SERGEF: variants seen among roughly 807,000 people sequenced by gnomAD.
The protein encoded by SERGEF is secretion-regulating guanine nucleotide exchange factor.
SERGEF carries 51 observed loss-of-function variants against 50.0 expected under a neutral mutation model. The ratio of observed to expected loss-of-function variants is 1.02; its 90% CI spans 0.81 to 1.29. SERGEF has a LOEUF of 1.29. Ranked by LOEUF, SERGEF falls within the 50% of genes most tolerant of loss-of-function variation. The pLI is 0.00. For missense variants in SERGEF, 521 were observed against 557.0 expected (o/e 0.94, Z 0.65); for synonymous variants, 205 against 212.4 (o/e 0.97, Z 0.30).
At chr11:18,002,754 G>A (rs1217135226) in intron 4 of SERGEF, among the ~76,000 whole-genome samples, 1 of 152,116 alleles carries the variant, frequency 6.6e-6, no homozygotes, top group Non-Finnish European at 1.5e-5. Context: ...CAACTGCTAG[G>A]ACAGGTCTTA....
At chr11:17,980,031 G>A (rs1853462548) in intron 8 of SERGEF, among the ~76,000 whole-genome samples, 1 of 152,160 alleles carries the variant, frequency 6.6e-6, no homozygotes, top group South Asian at 2.1e-4. Context: ...CCTGAACTCT[G>A]AATGAAAGAA....
chr11:17,906,721 T>G (rs1851849388), intron 9 of SERGEF, among the ~76,000 whole-genome samples: 1 of 151,710 alleles, frequency 6.6e-6, no homozygotes, highest in Non-Finnish European at 1.5e-5. Context: ...GTGCAGTTTG[T>G]TACAACAAAT....
chr11:17,905,089 C>T (rs1014382094), intron 9 of SERGEF, among the ~76,000 whole-genome samples: 3 of 152,226 alleles, frequency 2.0e-5, no homozygotes, highest in African/African-American at 7.2e-5. Flanking sequence ...TATGGGTACA[C>T]ATTTCTGCAT....
intron 9 of SERGEF, among the ~76,000 whole-genome samples, chr11:17,924,647 G>A (rs959980145): frequency 6.6e-6 from 1 of 151,324 alleles, no homozygotes; most frequent in Admixed American, 6.6e-5. Flanking sequence ...AGAACAGTGG[G>A]GGTGCGGGGG....
Position 17,863,864 on chromosome 11 carries a change from G to A in SERGEF, c.1048+14344C>T, listed in dbSNP as rs570267090. Among the ~76,000 whole-genome samples, 3 of 152,358 alleles carry A rather than the reference G, an allele frequency of 2.0e-5. No homozygotes were observed. In the East Asian group the frequency reaches 5.8e-4, roughly 29 times the overall value. On this transcript the variant is annotated intron_variant, in intron 10 of 10. Coordinates refer to ENST00000265965, the MANE Select transcript of SERGEF (RefSeq NM_012139.4). ...CACATGAAGCACCTATTGCATGCAT[G>A]GCAAGTATAGATGGTCTGAGTCTAT...
Position 17,988,727 on chromosome 11 carries a change from G to C in SERGEF, c.714C>G (p.Ser238Arg). Residue 238 changes from serine (S) to arginine (R), a missense_variant, in exon 8 of 11, where the codon AGC becomes AGG. Physicochemically the swap from Ser to Arg is moderately radical, Grantham distance 110. Transcript: ENST00000265965. Reference protein sequence around the residue: ...TDAGEVYVWGSNKHGQLANEA... With the variant: ...TDAGEVYVWGRNKHGQLANEA... ...CATTAGCCAGTTGCCCATGCTTGTTGCTTCCCCAAACATACACCTCTCCTG... is the reference window on the plus strand; with the variant it reads ...CATTAGCCAGTTGCCCATGCTTGTTCCTTCCCCAAACATACACCTCTCCTG... 6.2e-7 allele frequency: 1 copy of C among 1,614,062 alleles called. No homozygotes were observed. Among genetic ancestry groups the C allele is most frequent in the Non-Finnish European group, 8.5e-7 (1 of 1,179,968 alleles).
At chr11:17,848,763 C>G (rs1324195103) in intron 10 of SERGEF, among the ~76,000 whole-genome samples, 1 of 152,110 alleles carries the variant, frequency 6.6e-6, no homozygotes, top group African/African-American at 2.4e-5. Context: ...TATTTAAGAT[C>G]TTTCCTTAGA....
chr11:17,966,165 T>G (rs1420125815), intron 8 of SERGEF, among the ~76,000 whole-genome samples: 9 of 152,216 alleles, frequency 5.9e-5, no homozygotes, highest in Admixed American at 2.0e-4. Flanking sequence ...TGATTTTTTT[T>G]TTAAGATTCA....
At chr11:17,805,086 C>T (rs2133829450) in intron 10 of SERGEF, among the ~76,000 whole-genome samples, 1 of 152,290 alleles carries the variant, frequency 6.6e-6, no homozygotes, top group East Asian at 1.9e-4. Context: ...CTTTATCTAA[C>T]AGTTTAAAAT....
intron 10 of SERGEF, among the ~76,000 whole-genome samples, chr11:17,845,657 T>C (rs1850593808): frequency 1.3e-5 from 2 of 152,260 alleles, no homozygotes; most frequent in Admixed American, 6.5e-5. Flanking sequence ...TTCATTTTTT[T>C]TCCTTTGGCA....
intron 9 of SERGEF, among the ~76,000 whole-genome samples, chr11:17,940,163 A>C (rs556222160): frequency 6.6e-6 from 1 of 152,302 alleles, no homozygotes; most frequent in Non-Finnish European, 1.5e-5. Flanking sequence ...TGGTGGGTTC[A>C]ACAGGGAAGT....
intron 10 of SERGEF, among the ~76,000 whole-genome samples, chr11:17,803,634 T>C (rs1279704915): frequency 2.6e-5 from 4 of 152,216 alleles, no homozygotes; most frequent in Non-Finnish European, 5.9e-5. Flanking sequence ...ACTGGACACT[T>C]GTTCCCTTCC....
rs557009440 is a variant in SERGEF at position 17,847,714 on chromosome 11, T to C, written c.1048+30494A>G. Among the ~76,000 whole-genome samples the C allele has an allele frequency of 2.0e-5, 3 of 152,186 alleles. No homozygotes were observed. In the South Asian group the frequency reaches 6.2e-4, roughly 32 times the overall value. ...AAGGCCAATCAAAGAATTAGGAAGA[T>C]TTTAAGCTGAAAGGGCTTTAGCAGT... On this transcript the variant is annotated intron_variant, in intron 10 of 10. Coordinates refer to ENST00000265965, the MANE Select transcript of SERGEF (RefSeq NM_012139.4).
At chr11:17,957,122 G>C (rs1014500566) in intron 9 of SERGEF, among the ~76,000 whole-genome samples, 2 of 152,148 alleles carry the variant, frequency 1.3e-5, no homozygotes, top group Non-Finnish European at 2.9e-5. Flanking sequence ...GAAGGAAGGA[G>C]CTCTAAAATG....
chr11:17,954,216 A>G (rs935668614), intron 9 of SERGEF, among the ~76,000 whole-genome samples: 1 of 152,234 alleles, frequency 6.6e-6, no homozygotes, highest in African/African-American at 2.4e-5. Flanking sequence ...CTCCGGACTC[A>G]GCTGATTGCT....
chr11:17,982,419 A>C (rs211118), intron 8 of SERGEF, among the ~76,000 whole-genome samples: 146,381 of 152,278 alleles, frequency 0.96, 70,629 homozygotes, highest in South Asian at 1. Flanking sequence ...TAATAAGAAT[A>C]AAAAAGTATC....
chr11:17,876,573 A>G (rs1295372074), intron 10 of SERGEF, among the ~76,000 whole-genome samples: 1 of 152,244 alleles, frequency 6.6e-6, no homozygotes, highest in Non-Finnish European at 1.5e-5. Context: ...TGAGAAGAAT[A>G]TGGACGCTCA....
chr11:17,792,381 G>A (rs1849496483), intron 10 of SERGEF, among the ~76,000 whole-genome samples: 1 of 152,210 alleles, frequency 6.6e-6, no homozygotes, highest in Non-Finnish European at 1.5e-5. Flanking sequence ...TGGGCTTTGT[G>A]CCCGGCCCTG....
intron 9 of SERGEF, among the ~76,000 whole-genome samples, chr11:17,932,706 G>T (rs1303234906): frequency 6.6e-6 from 1 of 152,124 alleles, no homozygotes; most frequent in Non-Finnish European, 1.5e-5. Flanking sequence ...GCTGCCCAGA[G>T]CTACTGCTTG....
Sources: allele counts gnomAD v4.1 joint callset (sites outside exome capture counted in the v4.1 genomes callset), GRCh38; gene constraint gnomAD v4.1.1; transcripts MANE v1.5; gene names NCBI Gene and HGNC (gene_info 2026-07-23, HGNC 2026-07-21).